The following DNAH11 variants were observed in gnomAD, a reference collection of about 807,000 sequenced individuals.
DNAH11 encodes the protein axonemal beta dynein heavy chain 11.
Under a neutral mutation model 526.0 loss-of-function variants are expected in DNAH11, and 442 were observed. That is an observed-to-expected ratio of 0.84 (90% CI 0.78 to 0.91). The LOEUF is 0.91. DNAH11 is among the 40% of genes least tolerant of loss of function. DNAH11 has a pLI of 0.00. For missense variants in DNAH11, 6,989 were observed against 5,448.7 expected (o/e 1.28, Z -8.90); for synonymous variants, 2,461 against 1,935.9 (o/e 1.27, Z -7.12).
chr7:21,595,980 C>G (rs1264004039), intron 14 of DNAH11, among the ~76,000 whole-genome samples: 2 of 152,126 alleles, frequency 1.3e-5, no homozygotes, highest in Non-Finnish European at 1.5e-5. Flanking sequence ...CGGAGGGTAA[C>G]AGATTTTCTT....
chr7:21,716,317 G>C (rs1031835465), intron 42 of DNAH11, among the ~76,000 whole-genome samples: 8 of 152,222 alleles, frequency 5.3e-5, no homozygotes, highest in African/African-American at 1.7e-4. Flanking sequence ...CACCAACTCT[G>C]TACTAATGAG....
chr7:21,679,249 A>T (rs565069600), intron 30 of DNAH11, among the ~76,000 whole-genome samples: 1 of 152,236 alleles, frequency 6.6e-6, no homozygotes, highest in African/African-American at 2.4e-5. Context: ...ATGGGGGAAA[A>T]CAGAAGATAT....
intron 8 of DNAH11, among the ~76,000 whole-genome samples, chr7:21,581,444 C>T (rs1273343857): frequency 6.6e-6 from 1 of 152,172 alleles, no homozygotes; most frequent in Non-Finnish European, 1.5e-5. Context: ...AATAGTGTTT[C>T]CGTGTAGATT....
intron 30 of DNAH11, among the ~76,000 whole-genome samples, chr7:21,676,318 A>C (rs1782882497): frequency 6.6e-6 from 1 of 152,222 alleles, no homozygotes; most frequent in African/African-American, 2.4e-5. Flanking sequence ...GATCAGTGGC[A>C]AGAATATGTA....
intron 36 of DNAH11, 148 bp from the exon 37 acceptor site, chr7:21,702,562 T>C: frequency 3.0e-6 from 2 of 665,908 alleles, no homozygotes; most frequent in Non-Finnish European, 5.1e-6. Context: ...TTTTCACAGT[T>C]TCAAAGAGCA....
At chr7:21,840,531 C>G (rs1201624741) in intron 65 of DNAH11, among the ~76,000 whole-genome samples, 6 of 152,134 alleles carry the variant, frequency 3.9e-5, no homozygotes, top group Non-Finnish European at 7.3e-5. Flanking sequence ...AAGTTTCACT[C>G]TAAGCAGCTT....
intron 12 of DNAH11, 61 bp from the exon 13 acceptor site, chr7:21,590,857 G>C: frequency 2.0e-6 from 2 of 1,019,296 alleles, no homozygotes; most frequent in Non-Finnish European, 1.3e-6. Context: ...AGTTAAACTT[G>C]AGTTAAAATA....
At chr7:21,629,720 C>G (rs988361731) in intron 25 of DNAH11, among the ~76,000 whole-genome samples, 2 of 151,998 alleles carry the variant, frequency 1.3e-5, no homozygotes, top group Non-Finnish European at 2.9e-5. Flanking sequence ...TATATTTTAT[C>G]TGATCTAAGT....
chr7:21,591,866 G>A (rs927965151), intron 14 of DNAH11, among the ~76,000 whole-genome samples: 3 of 152,170 alleles, frequency 2.0e-5, no homozygotes, highest in Non-Finnish European at 4.4e-5. Context: ...TCTTTTGGAT[G>A]CTCCTTATAG....
intron 25 of DNAH11, among the ~76,000 whole-genome samples, chr7:21,624,255 G>A (rs60805935): frequency 0.44 from 67,028 of 151,800 alleles, 15,204 homozygotes; most frequent in East Asian, 0.59. Flanking sequence ...AATGTTTTGT[G>A]GTTTTTAGTA....
At chr7:21,662,111 T>C (rs1386397153) in intron 30 of DNAH11, among the ~76,000 whole-genome samples, 2 of 152,136 alleles carry the variant, frequency 1.3e-5, no homozygotes, top group Non-Finnish European at 2.9e-5. Context: ...TGAGCCACTG[T>C]GCCTGGCCAA....
At chr7:21,576,862 G>C (rs114257134) in intron 8 of DNAH11, among the ~76,000 whole-genome samples, 2,685 of 152,310 alleles carry the variant, frequency 0.018, 84 homozygotes, top group African/African-American at 0.061. Context: ...CTTTGGGGTA[G>C]TGGTTTTCTG....
In DNAH11 at chr7:21,901,194, G is replaced by A; in HGVS notation, c.13491G>A (p.Lys4497=). The change falls in exon 82 of 82, where the codon AAG becomes AAA. Residue 4497 remains lysine (K), a synonymous_variant. Coordinates refer to ENST00000409508, the MANE Select transcript of DNAH11 (RefSeq NM_001277115.2). The stretch of plus-strand genomic sequence containing the variant: ...GCTACATCTGGACCTTCAGGCTGAA[G>A]AGCGAAGAGAAGACTGCAAAATGGG... ...GPSYIWTFRL[K]SEEKTAKWVL... is the part of the protein sequence containing the mutation. 2 of 1,613,652 alleles carry A rather than the reference G, an allele frequency of 1.2e-6. No individual in the cohort carries two copies. The highest frequency in any genetic ancestry group is 1.3e-5 in the African/African-American group (1 of 74,988).
intron 2 of DNAH11, 102 bp downstream of exon 2, chr7:21,545,251 G>T: frequency 2.9e-6 from 2 of 683,368 alleles, no homozygotes; most frequent in Non-Finnish European, 4.3e-6. Flanking sequence ...GCTAGGAGGG[G>T]AAGGGAAGGG....
intron 1 of DNAH11, among the ~76,000 whole-genome samples, chr7:21,544,195 A>G (rs1009133931): frequency 4.6e-5 from 7 of 152,194 alleles, no homozygotes; most frequent in African/African-American, 1.4e-4. Flanking sequence ...TAAAAGGTTA[A>G]CGTATCACCT....
At chr7:21,601,693 C>T in intron 18 of DNAH11, 75 bp downstream of exon 18, 2 of 1,122,316 alleles carry the variant, frequency 1.8e-6, no homozygotes, top group Non-Finnish European at 2.5e-6. Flanking sequence ...TACATGTACT[C>T]TCTTATGATG....
At chr7:21,610,226 C>T (rs892761062) in intron 20 of DNAH11, among the ~76,000 whole-genome samples, 4 of 152,132 alleles carry the variant, frequency 2.6e-5, no homozygotes, top group Non-Finnish European at 4.4e-5. Context: ...TTCACTCCAG[C>T]CTGGGCGACA....
chr7:21,852,386 G>A (rs1454765513), intron 66 of DNAH11, 81 bp from the exon 67 acceptor site: 25 of 1,404,984 alleles, frequency 1.8e-5, no homozygotes, highest in East Asian at 2.4e-5. Flanking sequence ...CAGCCTGGGC[G>A]ACAGAGCAAG....
At chr7:21,681,373 G>A (rs1307664189) in intron 30 of DNAH11, among the ~76,000 whole-genome samples, 173 bp from the exon 31 acceptor site, 1 of 152,038 alleles carries the variant, frequency 6.6e-6, no homozygotes, top group African/African-American at 2.4e-5. Context: ...GTTGCAGTGA[G>A]CAGAGATCAT....
Sources: allele counts gnomAD v4.1 joint callset (sites outside exome capture counted in the v4.1 genomes callset), GRCh38; gene constraint gnomAD v4.1.1; transcripts MANE v1.5; gene names NCBI Gene and HGNC (gene_info 2026-07-23, HGNC 2026-07-21).